The following CDKAL1 variants were observed in gnomAD, a reference collection of about 807,000 sequenced individuals.
CDKAL1 encodes the protein CDKAL1 threonylcarbamoyladenosine tRNA methylthiotransferase, also known as threonylcarbamoyladenosine tRNA methylthiotransferase.
In CDKAL1, 32 loss-of-function variants were observed where a neutral mutation model predicts 68.2. The observed-to-expected ratio is 0.47, with a 90% CI of 0.35 to 0.63. CDKAL1 has a LOEUF of 0.63. Ranked by LOEUF, CDKAL1 falls within the 30% of genes least tolerant of loss-of-function variation. CDKAL1 has a pLI of 0.00. For missense variants in CDKAL1, 606 were observed against 696.7 expected, an observed-to-expected ratio of 0.87 and a Z score of 1.47; for synonymous variants, 234 against 244.3, an observed-to-expected ratio of 0.96 and a Z score of 0.39.
At chr6:20,592,531 C>T (rs1165054637) in intron 4 of CDKAL1, among the ~76,000 whole-genome samples, 1 of 148,016 alleles carries the variant, frequency 6.8e-6, no homozygotes, top group African/African-American at 2.5e-5. Flanking sequence ...TGCAATGGTG[C>T]AATTTCGGCC....
intron 8 of CDKAL1, among the ~76,000 whole-genome samples, chr6:20,840,598 G>A (rs1300097189): frequency 6.6e-6 from 1 of 152,148 alleles, no homozygotes; most frequent in Non-Finnish European, 1.5e-5. Context: ...AGGAGTTTTG[G>A]GCACAGGAAG....
At position 20,907,024 on chromosome 6, in the gene CDKAL1, C is replaced by T. The variant is rs555590607; in HGVS notation, c.743-48395C>T. On this transcript the variant is annotated intron_variant, in intron 9 of 15. Transcript: ENST00000274695. The stretch of plus-strand genomic sequence containing the variant: ...CACATACATGAGTACTTAAAGTAGT[C>T]AAAATCATAGAAACAGAAAGGAAAA... Among the ~76,000 whole-genome samples, 17 of 152,122 alleles carry T rather than the reference C, an allele frequency of 1.1e-4. No individual in the cohort carries two copies. In the East Asian group the frequency reaches 3.1e-3, roughly 28 times the overall value.
chr6:20,648,954 AC>A (rs1768617670), intron 4 of CDKAL1, among the ~76,000 whole-genome samples: 1 of 152,256 alleles, frequency 6.6e-6, no homozygotes, highest in South Asian at 2.1e-4. Flanking sequence ...CACATAATCC[AC>A]AAAGGTGAAA....
intron 13 of CDKAL1, among the ~76,000 whole-genome samples, chr6:21,179,105 T>C (rs955708006): frequency 6.6e-6 from 1 of 152,242 alleles, no homozygotes; most frequent in African/African-American, 2.4e-5. Flanking sequence ...TGGGCAGAGA[T>C]TTTCCCACTC....
At chr6:20,538,291 TAC>T (rs1763257770) in intron 2 of CDKAL1, among the ~76,000 whole-genome samples, 3 of 152,200 alleles carry the variant, frequency 2.0e-5, no homozygotes, top group African/African-American at 4.8e-5. Context: ...GTTTTTCCTT[TAC>T]GCATTGTTTT....
chr6:20,707,613 C>T (rs559072278), intron 5 of CDKAL1, among the ~76,000 whole-genome samples: 10 of 152,226 alleles, frequency 6.6e-5, no homozygotes, highest in South Asian at 2.1e-4. Flanking sequence ...AGAGCTAGGA[C>T]GAAAGGTGTA....
intron 5 of CDKAL1, among the ~76,000 whole-genome samples, chr6:20,715,742 C>T (rs1772060895): frequency 6.6e-6 from 1 of 152,124 alleles, no homozygotes; most frequent in Non-Finnish European, 1.5e-5. Context: ...TTTTTGATAA[C>T]AGCTATGTAG....
At chr6:20,922,630 A>T (rs1412889625) in intron 9 of CDKAL1, among the ~76,000 whole-genome samples, 1 of 152,196 alleles carries the variant, frequency 6.6e-6, no homozygotes, top group African/African-American at 2.4e-5. Flanking sequence ...TTAAGCTTTA[A>T]TCGAGTCAAA....
intron 9 of CDKAL1, among the ~76,000 whole-genome samples, chr6:20,875,259 A>G (rs1760445948): frequency 7.3e-6 from 1 of 137,188 alleles, no homozygotes; most frequent in Admixed American, 8.2e-5. Context: ...AGATTGCGCC[A>G]CTGCAGTCCG....
At chr6:20,737,587 G>A (rs1773254093) in intron 5 of CDKAL1, among the ~76,000 whole-genome samples, 1 of 150,238 alleles carries the variant, frequency 6.7e-6, no homozygotes, top group South Asian at 2.2e-4. Context: ...TTGTATACAT[G>A]GCTAATGAAA....
At chr6:21,091,630 A>C (rs1022584788) in intron 12 of CDKAL1, among the ~76,000 whole-genome samples, 2 of 152,142 alleles carry the variant, frequency 1.3e-5, no homozygotes, top group Admixed American at 6.5e-5. Context: ...CCTGTGGTAC[A>C]GTTGAGGGCA....
intron 13 of CDKAL1, among the ~76,000 whole-genome samples, chr6:21,170,694 A>G (rs1777347162): frequency 6.6e-6 from 1 of 152,114 alleles, no homozygotes; most frequent in Non-Finnish European, 1.5e-5. Context: ...TCATGACACT[A>G]TTTCTAAAAT....
At chr6:20,557,041 C>CAAAAAAA (rs199509135) in intron 4 of CDKAL1, among the ~76,000 whole-genome samples, 33 of 121,040 alleles carry the variant, frequency 2.7e-4, no homozygotes, top group Admixed American at 4.7e-4. Context: ...GTCTCCATCT[C>CAAAAAAA]AAAAAAAAAA....
intron 12 of CDKAL1, among the ~76,000 whole-genome samples, chr6:21,086,294 A>G (rs1772688239): frequency 6.6e-6 from 1 of 152,180 alleles, no homozygotes; most frequent in Non-Finnish European, 1.5e-5. Flanking sequence ...TATAGTGGCA[A>G]GGGAGAAAGA....
intron 10 of CDKAL1, among the ~76,000 whole-genome samples, chr6:20,970,364 C>T (rs1765531007): frequency 6.6e-6 from 1 of 152,128 alleles, no homozygotes; most frequent in Non-Finnish European, 1.5e-5. Context: ...ATGAACACCA[C>T]CCAGATTGCT....
intron 13 of CDKAL1, among the ~76,000 whole-genome samples, chr6:21,174,734 C>CTATA (rs35969558): frequency 4.7e-5 from 7 of 150,114 alleles, no homozygotes; most frequent in Non-Finnish European, 7.4e-5. Context: ...GGCAATTTAA[C>CTATA]TATATATATA....
intron 9 of CDKAL1, among the ~76,000 whole-genome samples, chr6:20,860,846 A>T: frequency 6.6e-6 from 1 of 152,030 alleles, no homozygotes; most frequent in Non-Finnish European, 1.5e-5. Flanking sequence ...TACTTGCTGA[A>T]TGAATACATG....
intron 4 of CDKAL1, among the ~76,000 whole-genome samples, chr6:20,555,691 T>C (rs1395239703): frequency 6.8e-6 from 1 of 146,920 alleles, no homozygotes; most frequent in African/African-American, 2.5e-5. Context: ...GGCGCTATCT[T>C]AGCTCGCTGC....
intron 8 of CDKAL1, among the ~76,000 whole-genome samples, chr6:20,831,885 A>G (rs1208800303): frequency 6.6e-6 from 1 of 152,166 alleles, no homozygotes; most frequent in Non-Finnish European, 1.5e-5. Flanking sequence ...GTTCTTCGGC[A>G]TCTTCTCATG....
Sources: gnomAD v4.1 joint callset for allele counts (sites outside exome capture counted in the v4.1 genomes callset) on GRCh38, gnomAD v4.1.1 for gene constraint, MANE v1.5 for transcripts, NCBI Gene and HGNC (gene_info 2026-07-23, HGNC 2026-07-21) for gene names.